The following LRP1B variants were observed in gnomAD, a reference collection of about 807,000 sequenced individuals.
LRP1B encodes the protein LDL receptor related protein 1B.
LRP1B carries 217 observed loss-of-function variants against 556.6 expected under a neutral mutation model. The ratio of observed to expected loss-of-function variants is 0.39; its 90% CI spans 0.35 to 0.44. The LOEUF (loss-of-function observed/expected upper bound fraction) is 0.44, where lower values mean the gene tolerates loss of function less well. LRP1B is among the 20% of genes least tolerant of loss of function. The pLI is 1.00. For synonymous variants in LRP1B, 2,047 were observed against 1,865.8 expected (o/e 1.10, Z -2.50); for missense variants, 5,053 against 5,620.8 (o/e 0.90, Z 3.23).
chr2:140,851,828 T>C, intron 27 of LRP1B, 45 bp from the exon 28 acceptor site: 1 of 1,548,734 alleles, frequency 6.5e-7, no homozygotes, highest in Non-Finnish European at 8.7e-7. Context: ...AGGAAGAATG[T>C]ATTAGGGAAG....
intron 6 of LRP1B, among the ~76,000 whole-genome samples, chr2:141,212,261 T>TGTGAC: frequency 2.1e-5 from 1 of 48,630 alleles, no homozygotes; most frequent in Non-Finnish European, 3.8e-5. Flanking sequence ...TTTTTTTTTT[T>TGTGAC]TTTTTTTTTT....
chr2:140,473,598 C>A (rs1344406551), intron 60 of LRP1B, among the ~76,000 whole-genome samples: 2 of 151,718 alleles, frequency 1.3e-5, no homozygotes, highest in African/African-American at 2.4e-5. Flanking sequence ...TCTAATAGAT[C>A]TAATATTTTT....
intron 2 of LRP1B, among the ~76,000 whole-genome samples, chr2:141,794,764 G>A (rs896661654): frequency 2.6e-5 from 4 of 151,774 alleles, no homozygotes; most frequent in Non-Finnish European, 4.4e-5. Context: ...CAGTACCAAC[G>A]AAATAAAGTC....
chr2:140,836,005 C>T (rs1055547704), intron 31 of LRP1B, among the ~76,000 whole-genome samples: 9 of 152,134 alleles, frequency 5.9e-5, no homozygotes, highest in East Asian at 3.9e-4. Context: ...TACATATATA[C>T]GTATGTAAGT....
At chr2:141,241,676 A>G (rs915124808) in intron 5 of LRP1B, among the ~76,000 whole-genome samples, 3 of 152,016 alleles carry the variant, frequency 2.0e-5, no homozygotes, top group Non-Finnish European at 4.4e-5. Flanking sequence ...TCCGGCAAAC[A>G]TTTGTCAAGC....
intron 3 of LRP1B, among the ~76,000 whole-genome samples, chr2:141,292,168 T>C (rs147626966): frequency 1.8e-3 from 272 of 152,246 alleles, no homozygotes; most frequent in African/African-American, 6.1e-3. Flanking sequence ...ATCTAGGTTG[T>C]GCGCTCCTTA....
At chr2:141,589,573 C>A (rs892890340) in intron 2 of LRP1B, among the ~76,000 whole-genome samples, 1 of 152,096 alleles carries the variant, frequency 6.6e-6, no homozygotes, top group African/African-American at 2.4e-5. Flanking sequence ...GGTTTGGTAA[C>A]CAAATAACAC....
chr2:140,524,590 A>G (rs1261102493), intron 49 of LRP1B, among the ~76,000 whole-genome samples: 1 of 151,980 alleles, frequency 6.6e-6, no homozygotes, highest in Non-Finnish European at 1.5e-5. Flanking sequence ...TATATGGTAC[A>G]CATACACCAT....
chr2:141,736,689 A>G (rs1421510860), intron 2 of LRP1B, among the ~76,000 whole-genome samples: 2 of 152,162 alleles, frequency 1.3e-5, no homozygotes, highest in African/African-American at 2.4e-5. Flanking sequence ...GCAAGTCACT[A>G]CAGTGGCAGC....
chr2:141,870,176 G>A (rs930814249), intron 1 of LRP1B, among the ~76,000 whole-genome samples: 1 of 151,860 alleles, frequency 6.6e-6, no homozygotes, highest in African/African-American at 2.4e-5. Context: ...ACAGCATTAA[G>A]TTATTAGTCC....
At chr2:141,159,839 G>T (rs1368372595) in intron 7 of LRP1B, among the ~76,000 whole-genome samples, 5 of 152,066 alleles carry the variant, frequency 3.3e-5, no homozygotes, top group Non-Finnish European at 5.9e-5. Flanking sequence ...CATGTCCTTC[G>T]CAGGGACATG....
Position 140,965,663 on chromosome 2 carries a change from G to A in LRP1B, c.2888-13723C>T, listed in dbSNP as rs530543508. ...GTTGGTGTGCTGCACCCATTAACTC[G>A]TCATTTACATTAGGTATATCTCCTA... On this transcript the variant is annotated intron_variant, in intron 18 of 90. Coordinates refer to ENST00000389484, the MANE Select transcript of LRP1B (RefSeq NM_018557.3). Among the ~76,000 whole-genome samples the A allele has an allele frequency of 1.3e-3, 205 of 152,018 alleles. 1 individual carries two copies. The highest frequency in any genetic ancestry group is 4.5e-3 in the African/African-American group (185 of 41,460).
chr2:141,688,044 T>C (rs1691375544), intron 2 of LRP1B, among the ~76,000 whole-genome samples: 1 of 151,348 alleles, frequency 6.6e-6, no homozygotes, highest in South Asian at 2.1e-4. Context: ...TCTGCGTACA[T>C]GTTAATGTAG....
chr2:140,237,752 C>A (rs1680771385), intron 89 of LRP1B, among the ~76,000 whole-genome samples: 1 of 150,584 alleles, frequency 6.6e-6, no homozygotes, highest in South Asian at 2.1e-4. Context: ...TTATAATAGA[C>A]CTTTATCTAT....
At chr2:141,716,919 C>G (rs1392785961) in intron 2 of LRP1B, among the ~76,000 whole-genome samples, 4 of 152,062 alleles carry the variant, frequency 2.6e-5, no homozygotes, top group African/African-American at 4.8e-5. Flanking sequence ...TGCCTACTGC[C>G]AAGACTTTCT....
chr2:141,140,039 C>T (rs1574116065), intron 7 of LRP1B, among the ~76,000 whole-genome samples: 1 of 151,864 alleles, frequency 6.6e-6, no homozygotes, highest in South Asian at 2.1e-4. Context: ...TTGATAAATG[C>T]AACATGATGA....
intron 9 of LRP1B, among the ~76,000 whole-genome samples, chr2:141,056,434 G>A (rs1489649883): frequency 6.6e-6 from 1 of 151,726 alleles, no homozygotes; most frequent in Non-Finnish European, 1.5e-5. Flanking sequence ...CTCTGCCCTA[G>A]CTTACATCCA....
rs1367197091 is a variant in LRP1B at position 140,487,649 on chromosome 2, T to G, written c.9211A>C (p.Asn3071His). The G allele has an allele frequency of 6.2e-7, 1 of 1,608,818 alleles. No homozygotes were observed. The highest frequency in any genetic ancestry group is 8.5e-7 in the Non-Finnish European group (1 of 1,176,966). Residue 3071 changes from asparagine (N) to histidine (H), a missense_variant, in exon 58 of 91, where the codon AAT becomes CAT. By Grantham distance (68) the Asn-to-His change is moderately conservative. Around this residue, in one of 5 missense-constraint regions of LRP1B, gnomAD observed 3,619 missense variants for 3,931.9 expected, o/e 0.92. Transcript: ENST00000389484. ...TCACTTCCATTTAAACACATTCTAT[T>G]TATGCGACTGCCATTGGGTCGGCTA... ...DSSRPNGSRI[N>H]RMCLNGSDIK...
At chr2:141,789,752 A>G (rs1306923753) in intron 2 of LRP1B, among the ~76,000 whole-genome samples, 2 of 152,000 alleles carry the variant, frequency 1.3e-5, no homozygotes. Flanking sequence ...TAAGGTGAGT[A>G]GGGCCAAGGA....
Sources: allele counts gnomAD v4.1 joint callset (sites outside exome capture counted in the v4.1 genomes callset), GRCh38; gene constraint gnomAD v4.1.1; regional missense constraint gnomAD v4.1.1; transcripts MANE v1.5; gene names NCBI Gene and HGNC (gene_info 2026-07-23, HGNC 2026-07-21).